Variants in SORCS2 observed in about 807,000 individuals in gnomAD.
The protein encoded by SORCS2 is sortilin related VPS10 domain containing receptor 2.
A neutral mutation model predicts 141.6 loss-of-function variants in SORCS2; 100 were observed. The observed-to-expected ratio is 0.71, with a 90% CI of 0.60 to 0.83. SORCS2 has a LOEUF of 0.83. Among genes scored for constraint, SORCS2 ranks in the 40% least tolerant of loss-of-function variants. SORCS2 has a pLI of 0.00. For synonymous variants in SORCS2, 789 were observed against 676.9 expected (o/e 1.17, Z -2.57); for missense variants, 1,646 against 1,560.2 (o/e 1.05, Z -0.93).
chr4:7,691,555 C>G (rs969151511), intron 11 of SORCS2, among the ~76,000 whole-genome samples: 2 of 152,108 alleles, frequency 1.3e-5, no homozygotes, highest in Admixed American at 1.3e-4. Flanking sequence ...TCTGCATGCT[C>G]TATATGCCCG....
chr4:7,688,227 G>A (rs1319568352), intron 10 of SORCS2, among the ~76,000 whole-genome samples: 3 of 152,110 alleles, frequency 2.0e-5, no homozygotes, highest in African/African-American at 4.8e-5. Flanking sequence ...CCGCAATGAC[G>A]AGGGGATTCT....
At chr4:7,487,137 C>T (rs1265896778) in intron 2 of SORCS2, among the ~76,000 whole-genome samples, 1 of 152,228 alleles carries the variant, frequency 6.6e-6, no homozygotes, top group Non-Finnish European at 1.5e-5. Context: ...ATGTGACTCA[C>T]CCTCCATGTG....
At chr4:7,268,100 C>T (rs1714868227) in intron 1 of SORCS2, among the ~76,000 whole-genome samples, 1 of 152,170 alleles carries the variant, frequency 6.6e-6, no homozygotes, top group African/African-American at 2.4e-5. Flanking sequence ...GGGCCCCGGG[C>T]CCCTGGAGCT....
intron 3 of SORCS2, among the ~76,000 whole-genome samples, chr4:7,617,256 TAC>T (rs1291327474): frequency 6.6e-6 from 1 of 152,116 alleles, no homozygotes; most frequent in African/African-American, 2.4e-5. Context: ...CATCTATCTA[TAC>T]ACACACCCAC....
chr4:7,433,522 A>T (rs1430944296), intron 2 of SORCS2: 1 of 1,608,524 alleles, frequency 6.2e-7, no homozygotes. Flanking sequence ...CATGTCCTTG[A>T]GACTCTCAAT....
chr4:7,708,238 T>C (rs889590794), intron 14 of SORCS2, among the ~76,000 whole-genome samples: 1 of 152,218 alleles, frequency 6.6e-6, no homozygotes, highest in Non-Finnish European at 1.5e-5. Context: ...AATCACCTGC[T>C]TAGACTCTGA....
chr4:7,314,331 T>A lies in SORCS2; in HGVS notation c.481-81957T>A, dbSNP rs563838458. The stretch of plus-strand genomic sequence containing the variant: ...CCTAAGAAAATCATGGCCTTTTTTT[T>A]ATTTTTTTTATTTTTTTTTATTTTT... On this transcript the variant is annotated intron_variant, in intron 1 of 26. Transcript: ENST00000507866. Among the ~76,000 whole-genome samples, 133 of 132,838 alleles carry A rather than the reference T, an allele frequency of 1.0e-3. 2 individuals carry two copies. The highest frequency in any genetic ancestry group is 2.5e-3 in the African/African-American group (90 of 36,634). The allele number at this position is 132,838 out of a possible 152,430, so 87.1% of individuals were successfully genotyped here. A position where few individuals can be genotyped will look rare whatever the true frequency, so the allele number is the denominator to read the frequency against.
intron 4 of SORCS2, among the ~76,000 whole-genome samples, chr4:7,644,124 C>G (rs759368390): frequency 6.6e-6 from 1 of 152,208 alleles, no homozygotes; most frequent in Non-Finnish European, 1.5e-5. Flanking sequence ...GGGTTTTACA[C>G]TAGACCCCCC....
intron 11 of SORCS2, among the ~76,000 whole-genome samples, chr4:7,695,518 GGGT>G (rs1560489884): frequency 2.1e-5 from 1 of 46,992 alleles, no homozygotes; most frequent in Non-Finnish European, 4.1e-5. Flanking sequence ...ATGGGTGGGT[GGGT>G]GAGTGGATGG....
In SORCS2 at chr4:7,434,141, G is replaced by C; in HGVS notation, c.548+37786G>C. ...TCACAGAATCCCCCCTTCCTGCAGAGCTCCTGCGGGGGGAGAAGCCTCAGT... is the reference window on the plus strand; with the variant it reads ...TCACAGAATCCCCCCTTCCTGCAGACCTCCTGCGGGGGGAGAAGCCTCAGT... On this transcript the variant is annotated intron_variant, in intron 2 of 26. Coordinates refer to ENST00000507866, the MANE Select transcript of SORCS2 (RefSeq NM_020777.3). The C allele has an allele frequency of 6.2e-7, 1 of 1,613,778 alleles. No homozygotes were observed. The highest frequency in any genetic ancestry group is 2.2e-5 in the East Asian group (1 of 44,876).
chr4:7,250,174 G>A (rs1025685607), intron 1 of SORCS2, among the ~76,000 whole-genome samples: 5 of 152,094 alleles, frequency 3.3e-5, no homozygotes, highest in African/African-American at 4.8e-5. Context: ...CCCGGGAGGC[G>A]GAGGTTGCAG....
intron 2 of SORCS2, among the ~76,000 whole-genome samples, chr4:7,401,426 C>T (rs755679020): frequency 1.6e-4 from 25 of 152,194 alleles, no homozygotes; most frequent in Admixed American, 7.2e-4. Flanking sequence ...CTGCTGAGAC[C>T]GAGAAGACCC....
intron 2 of SORCS2, among the ~76,000 whole-genome samples, chr4:7,485,704 C>T (rs1577643428): frequency 1.3e-5 from 2 of 152,238 alleles, no homozygotes; most frequent in Non-Finnish European, 2.9e-5. Context: ...TCAGGCCTGG[C>T]ACCCCTAGAA....
chr4:7,545,185 C>G (rs1459801081), intron 3 of SORCS2, among the ~76,000 whole-genome samples: 4 of 151,410 alleles, frequency 2.6e-5, no homozygotes, highest in Admixed American at 1.3e-4. Flanking sequence ...AACAAGTCTC[C>G]TGAATCTCCT....
At position 7,737,470 on chromosome 4, in the gene SORCS2, G is replaced by C. The variant is rs55691120; in HGVS notation, c.3415+298G>C. On this transcript the variant is annotated intron_variant, in intron 26 of 26. Coordinates refer to ENST00000507866, the MANE Select transcript of SORCS2 (RefSeq NM_020777.3). The stretch of plus-strand genomic sequence containing the variant: ...AGCCCCATCAAGGCAGGGAAAGGAC[G>C]GGAAACAGGGCTGGCTTTGAAAGGA... Among the ~76,000 whole-genome samples, 942 of 152,256 alleles carry C rather than the reference G, an allele frequency of 6.2e-3. 4 individuals carry two copies. Among genetic ancestry groups the C allele is most frequent in the Non-Finnish European group, 0.01 (707 of 68,000 alleles).
chr4:7,325,757 G>A (rs1719211946), intron 1 of SORCS2, among the ~76,000 whole-genome samples: 1 of 152,170 alleles, frequency 6.6e-6, no homozygotes, highest in Non-Finnish European at 1.5e-5. Context: ...CCTGAGCTCT[G>A]GGACCTTCCC....
intron 1 of SORCS2, among the ~76,000 whole-genome samples, chr4:7,258,081 C>T (rs917916304): frequency 8.5e-5 from 13 of 152,214 alleles, no homozygotes; most frequent in East Asian, 1.9e-4. Context: ...GGAGTGCTTC[C>T]GCTGTGTCCC....
At chr4:7,723,913 GT>G in intron 19 of SORCS2, 30 bp downstream of exon 19, 2 of 1,568,490 alleles carry the variant, frequency 1.3e-6, no homozygotes, top group South Asian at 2.3e-5. Flanking sequence ...GAGGCCAAAG[GT>G]CACTCCCTTT....
chr4:7,730,882 A>G (rs1189277720), intron 23 of SORCS2, among the ~76,000 whole-genome samples: 1 of 152,268 alleles, frequency 6.6e-6, no homozygotes, highest in Admixed American at 6.5e-5. Context: ...AAATGTTATT[A>G]TCAGTTTCTA....
Sources: allele counts gnomAD v4.1 joint callset (sites outside exome capture counted in the v4.1 genomes callset), GRCh38; gene constraint gnomAD v4.1.1; transcripts MANE v1.5; gene names NCBI Gene and HGNC (gene_info 2026-07-23, HGNC 2026-07-21).